The following MEG3 variants were observed in gnomAD, a reference collection of about 807,000 sequenced individuals.
MEG3 encodes maternally expressed 3, also known as Very putative protein from MEG3 locus.
chr14:100,834,651 G>T (rs532615060), exon 1 of MEG3: 1 of 455,722 alleles, frequency 2.2e-6, no homozygotes, highest in African/African-American at 2.0e-5. Context: ...TGGCCATCCC[G>T]GGGTGCCCTT....
At chr14:100,847,272 A>G (rs2037944681) in intron 3 of MEG3, 1 of 152,170 alleles carries the variant, frequency 6.6e-6, no homozygotes, top group African/African-American at 2.4e-5. Flanking sequence ...CACATAAATA[A>G]ATAAATGACA....
At chr14:100,859,371 A>AT (rs2038337275) in exon 1 of MEG3, 1 of 152,104 alleles carries the variant, frequency 6.6e-6, no homozygotes. Flanking sequence ...TTTTGGAAAT[A>AT]TTTGTATCTA....
exon 1 of MEG3, chr14:100,835,753 C>T (rs8013873): frequency 0.17 from 29,898 of 174,500 alleles, 2,786 homozygotes; most frequent in African/African-American, 0.22. Flanking sequence ...CCAGTGCCCC[C>T]GACAAGCCCC....
Position 100,845,363 on chromosome 14 carries a change from G to T in MEG3, n.3046-95G>T. The T allele has an allele frequency of 5.4e-6, 2 of 370,656 alleles. No homozygotes were observed. The highest frequency in any genetic ancestry group is 1.1e-5 in the Non-Finnish European group (2 of 183,738). The allele number at this position is 370,656 out of a possible 1,614,324, so 23.0% of individuals were successfully genotyped here. A position where few individuals can be genotyped will look rare whatever the true frequency, so the allele number is the denominator to read the frequency against. On this transcript the variant is annotated intron_variant and non_coding_transcript_variant, in intron 2 of 3. Coordinates refer to the MEG3 transcript ENST00000398461. This position sits in a 1 kb window ranked among gnomAD's most constrained non-coding sequence, Gnocchi z 5.2. ...GGAGTCTCTGCTCCAGGCCACCCCT[G>T]CCCGCCCCCCAGAGCTGTTGTCCTC...
In MEG3 at chr14:100,835,054, G is replaced by A. The variant is rs533960690; in HGVS notation, n.2086G>A. 22 of 348,942 alleles carry A rather than the reference G, an allele frequency of 6.3e-5. No individual in the cohort carries two copies. In the Admixed American group the frequency reaches 8.4e-4, roughly 13 times the overall value. 21.6% of individuals were successfully genotyped at this position (348,942 alleles called of 1,614,324 possible). ...TGTCCCCAGGAGGGCGGGCCGGGGGGTTGCCCAGGGGCTGGAGCAGTGGAC... is the reference window on the plus strand; with the variant it reads ...TGTCCCCAGGAGGGCGGGCCGGGGGATTGCCCAGGGGCTGGAGCAGTGGAC... On this transcript the variant is annotated non_coding_transcript_exon_variant, in exon 1 of 4. Coordinates refer to the MEG3 transcript ENST00000398461.
In MEG3 at chr14:100,827,976, C is replaced by T. The variant is rs567950093; in HGVS notation, n.372-732C>T. On this transcript the variant is annotated intron_variant and non_coding_transcript_variant, in intron 1 of 2. Coordinates refer to ENST00000556407, the Ensembl canonical transcript of MEG3. ...GGCCCACCTTCCTCTGGGGCTGGGG[C>T]CCGGTGGCTGGGGGCGCAGGAGGCG... Among the ~76,000 whole-genome samples the T allele has an allele frequency of 4.6e-5, 7 of 152,022 alleles. No homozygotes were observed. In the South Asian group the frequency reaches 1.2e-3, roughly 27 times the overall value.
At chr14:100,841,619 C>T (rs1428608024) in intron 2 of MEG3, among the ~76,000 whole-genome samples, 1 of 151,774 alleles carries the variant, frequency 6.6e-6, no homozygotes, top group East Asian at 1.9e-4. Flanking sequence ...GTTGCCAGCT[C>T]CTGTGTGACC....
intron 3 of MEG3, chr14:100,851,652 T>G (rs2038079862): frequency 6.6e-6 from 1 of 152,466 alleles, no homozygotes; most frequent in Non-Finnish European, 1.5e-5. Context: ...GTTGCAGAAG[T>G]GGTCCGGGGA....
At position 100,840,201 on chromosome 14, in the gene MEG3, A is replaced by C. The variant is rs566300664; in HGVS notation, n.3045+3901A>C. Among the ~76,000 whole-genome samples the C allele has an allele frequency of 3.3e-5, 5 of 152,320 alleles. No homozygotes were observed. The South Asian group carries it at 1.0e-3, about 32-fold the overall frequency. ...ACTGCTCTCCAATTTCTTTGAGCTT[A>C]AAAATAAATCCAGATGGAGAGTTCT... On this transcript the variant is annotated intron_variant and non_coding_transcript_variant, in intron 2 of 3. Coordinates refer to the MEG3 transcript ENST00000398461.
rs1175445778 is a variant in MEG3, at chr14:100,845,551, A to G, written n.3121+18A>G. On this transcript the variant is annotated intron_variant and non_coding_transcript_variant, in intron 3 of 3. Coordinates refer to the MEG3 transcript ENST00000398461. This position sits in a 1 kb window ranked among gnomAD's most constrained non-coding sequence, Gnocchi z 5.2. ...TCGAAATCGTAAGTGGCTGGAGTGT[A>G]AAGAACACACATGTGGCCTTGCTGC... 1.1e-5 allele frequency: 5 copies of G among 455,994 alleles called. No homozygotes were observed. The highest frequency in any genetic ancestry group is 2.0e-5 in the African/African-American group (1 of 50,074). 28.2% of individuals were successfully genotyped at this position (455,994 alleles called of 1,614,324 possible).
At chr14:100,855,354 T>A (rs2038207349), upstream of MEG3, 1 of 152,334 alleles carries the variant, frequency 6.6e-6, no homozygotes, top group Non-Finnish European at 1.5e-5. Flanking sequence ...CACCCTTTCT[T>A]GTAGCTGCCT....
intron 2 of MEG3, among the ~76,000 whole-genome samples, chr14:100,841,385 G>A (rs2139971598): frequency 6.6e-6 from 1 of 152,346 alleles, no homozygotes; most frequent in Non-Finnish European, 1.5e-5. Context: ...ATGGGCGAGT[G>A]CAGGCCCATG....
At chr14:100,841,622 G>T (rs966916186) in intron 2 of MEG3, among the ~76,000 whole-genome samples, 2 of 151,738 alleles carry the variant, frequency 1.3e-5, no homozygotes, top group Admixed American at 1.3e-4. Context: ...GCCAGCTCCT[G>T]TGTGACCTGT....
At chr14:100,857,144 T>C (rs942932863), upstream of MEG3, 3 of 152,254 alleles carry the variant, frequency 2.0e-5, no homozygotes, top group African/African-American at 7.2e-5. Flanking sequence ...AACCACCATA[T>C]TGTATCTTAC....
At chr14:100,840,776 C>G (rs368064119) in intron 2 of MEG3, among the ~76,000 whole-genome samples, 23 of 152,294 alleles carry the variant, frequency 1.5e-4, no homozygotes, top group African/African-American at 5.3e-4. Context: ...GGGCCTGATG[C>G]CTGAAATATA....
intron 3 of MEG3, chr14:100,849,330 C>T (rs1270850343): frequency 6.6e-6 from 1 of 151,960 alleles, no homozygotes; most frequent in Admixed American, 6.6e-5. Flanking sequence ...CAGAAGGCTC[C>T]AGGAACCGCA....
intron 2 of MEG3, among the ~76,000 whole-genome samples, chr14:100,844,085 G>A (rs2037842009): frequency 6.6e-6 from 1 of 152,118 alleles, no homozygotes; most frequent in Non-Finnish European, 1.5e-5. Context: ...ACCTGCCTCA[G>A]CCTCCCAAAG....
chr14:100,836,692 C>T (rs959370309), intron 2 of MEG3, among the ~76,000 whole-genome samples: 2 of 152,136 alleles, frequency 1.3e-5, no homozygotes, highest in Admixed American at 6.5e-5. Flanking sequence ...GGGACCCCTT[C>T]GGAGAGGAGG....
exon 1 of MEG3, chr14:100,857,751 G>T (rs928647976): frequency 6.6e-6 from 1 of 152,226 alleles, no homozygotes; most frequent in South Asian, 2.1e-4. Flanking sequence ...TGTCGCTGCC[G>T]TGAGGGGACG....
Sources: gnomAD v4.1 joint callset for allele counts (sites outside exome capture counted in the v4.1 genomes callset) on GRCh38, gnomAD v4.1.1 for gene constraint, Gnocchi (gnomAD v3.1) non-coding constraint, MANE v1.5 for transcripts, NCBI Gene and HGNC (gene_info 2026-07-23, HGNC 2026-07-21) for gene names.